The following GMDS variants were observed in gnomAD, a reference collection of about 807,000 sequenced individuals.
GMDS encodes the protein GDP-mannose 4,6 dehydratase.
A neutral mutation model predicts 49.9 loss-of-function variants in GMDS; 20 were observed. That is an observed-to-expected ratio of 0.40 (90% CI 0.28 to 0.58). The LOEUF is 0.58. Ranked by LOEUF, GMDS falls within the 20% of genes least tolerant of loss-of-function variation. The pLI is 0.42. For missense variants in GMDS, 362 were observed against 481.4 expected (o/e 0.75, Z 2.32); for synonymous variants, 177 against 178.6 (o/e 0.99, Z 0.07).
At chr6:1,768,579 A>G (rs891492708) in intron 7 of GMDS, among the ~76,000 whole-genome samples, 5 of 152,216 alleles carry the variant, frequency 3.3e-5, no homozygotes, top group African/African-American at 1.2e-4. Flanking sequence ...CAGGTTGAGT[A>G]CCCCAATCCA....
intron 1 of GMDS, among the ~76,000 whole-genome samples, chr6:2,190,011 A>G (rs932361469): frequency 6.6e-6 from 1 of 152,206 alleles, no homozygotes; most frequent in African/African-American, 2.4e-5. Flanking sequence ...CCTGGCTCCA[A>G]GTCCTTTCAC....
chr6:2,234,446 A>G (rs1247382950), intron 1 of GMDS, among the ~76,000 whole-genome samples: 1 of 151,984 alleles, frequency 6.6e-6, no homozygotes, highest in Non-Finnish European at 1.5e-5. Flanking sequence ...CATCTCTACT[A>G]AAAATACAAA....
chr6:1,875,317 T>TACACAC (rs56053544), intron 7 of GMDS, among the ~76,000 whole-genome samples: 6 of 150,128 alleles, frequency 4.0e-5, no homozygotes, highest in South Asian at 2.2e-4. Context: ...TTTTTGTATT[T>TACACAC]ACACACACAC....
intron 4 of GMDS, among the ~76,000 whole-genome samples, chr6:2,115,482 C>T (rs533478730): frequency 6.6e-6 from 1 of 152,272 alleles, no homozygotes; most frequent in East Asian, 1.9e-4. Context: ...TTTGAAATGG[C>T]AGAAAACACA....
intron 4 of GMDS, among the ~76,000 whole-genome samples, chr6:1,977,367 A>G (rs559723890): frequency 6.6e-6 from 1 of 152,340 alleles, no homozygotes; most frequent in African/African-American, 2.4e-5. Context: ...TGACTCTTCT[A>G]TGGAATTCAG....
chr6:2,005,989 A>G (rs951349388), intron 4 of GMDS, among the ~76,000 whole-genome samples: 1 of 152,032 alleles, frequency 6.6e-6, no homozygotes, highest in Non-Finnish European at 1.5e-5. Flanking sequence ...TGATTTCCTC[A>G]CAGTCACCTA....
intron 7 of GMDS, among the ~76,000 whole-genome samples, chr6:1,754,963 A>G (rs1767885669): frequency 6.6e-6 from 1 of 152,230 alleles, no homozygotes; most frequent in African/African-American, 2.4e-5. Flanking sequence ...TTCCCTTTGA[A>G]AACTGGCACA....
At chr6:1,726,300 G>GATGCC in intron 9 of GMDS, 116 bp downstream of exon 9, 1 of 704,134 alleles carries the variant, frequency 1.4e-6, no homozygotes. Context: ...CACGCTGAAG[G>GATGCC]ATGCCAGGGA....
At chr6:1,899,306 T>C (rs976643772) in intron 7 of GMDS, among the ~76,000 whole-genome samples, 23 of 151,852 alleles carry the variant, frequency 1.5e-4, no homozygotes, top group Non-Finnish European at 2.4e-4. Context: ...TTTTTTTTTT[T>C]CCTGCATGCT....
At chr6:1,861,159 G>C (rs536687303) in intron 7 of GMDS, among the ~76,000 whole-genome samples, 31 of 152,296 alleles carry the variant, frequency 2.0e-4, no homozygotes, top group African/African-American at 6.7e-4. Flanking sequence ...AAATCACCTG[G>C]AGGGTGACGT....
intron 7 of GMDS, among the ~76,000 whole-genome samples, chr6:1,858,688 C>T (rs1270879671): frequency 1.3e-5 from 2 of 151,922 alleles, no homozygotes; most frequent in African/African-American, 4.8e-5. Flanking sequence ...AGAGCCAATG[C>T]TTTTTTAACT....
intron 6 of GMDS, among the ~76,000 whole-genome samples, chr6:1,940,116 TCCTATGGC>T (rs1310973557): frequency 1.3e-5 from 2 of 152,244 alleles, no homozygotes; most frequent in Non-Finnish European, 2.9e-5. Flanking sequence ...AATGTATATT[TCCTATGGC>T]CCTGTGGCAA....
chr6:1,700,621 C>T (rs1287356365), intron 9 of GMDS, among the ~76,000 whole-genome samples: 1 of 152,168 alleles, frequency 6.6e-6, no homozygotes, highest in African/African-American at 2.4e-5. Context: ...CGAAGTCGGC[C>T]TGAATATTGG....
intron 9 of GMDS, among the ~76,000 whole-genome samples, chr6:1,652,583 T>TTATATATAATATATTATATATAA (rs1763716837): frequency 1.3e-4 from 1 of 7,868 alleles, no homozygotes; most frequent in Non-Finnish European, 2.2e-4. Context: ...TATATATTAT[T>TTATATATAATATATTATATATAA]TATATATAAT....
intron 9 of GMDS, among the ~76,000 whole-genome samples, chr6:1,669,771 G>C (rs2113275334): frequency 6.6e-6 from 1 of 152,108 alleles, no homozygotes; most frequent in Admixed American, 6.5e-5. Context: ...AAATTAGCCA[G>C]GTGTGGTGGC....
chr6:1,695,072 T>TAA (rs34615827), intron 9 of GMDS, among the ~76,000 whole-genome samples: 17 of 151,164 alleles, frequency 1.1e-4, no homozygotes, highest in South Asian at 6.3e-4. Flanking sequence ...ATGAGCAAAT[T>TAA]AAAAAAAAAT....
At chr6:2,230,334 A>G (rs958150150) in intron 1 of GMDS, among the ~76,000 whole-genome samples, 2 of 152,242 alleles carry the variant, frequency 1.3e-5, no homozygotes, top group Non-Finnish European at 2.9e-5. Flanking sequence ...AAGAAAAACC[A>G]CAGCCCATAA....
intron 9 of GMDS, among the ~76,000 whole-genome samples, chr6:1,644,442 G>T (rs898382789): frequency 1.3e-5 from 2 of 152,194 alleles, no homozygotes; most frequent in Non-Finnish European, 2.9e-5. Context: ...ACTCCCCACA[G>T]GCTCAAAACT....
intron 1 of GMDS, among the ~76,000 whole-genome samples, chr6:2,148,566 A>G (rs984887449): frequency 1.3e-5 from 2 of 152,120 alleles, no homozygotes; most frequent in African/African-American, 2.4e-5. Flanking sequence ...GATTACAGGC[A>G]TGCACCACCA....
Sources: gnomAD v4.1 joint callset for allele counts (sites outside exome capture counted in the v4.1 genomes callset) on GRCh38, gnomAD v4.1.1 for gene constraint, MANE v1.5 for transcripts, NCBI Gene and HGNC (gene_info 2026-07-23, HGNC 2026-07-21) for gene names.